Variants in PTPRD observed in about 807,000 individuals in gnomAD.
PTPRD encodes protein tyrosine phosphatase receptor type D.
PTPRD carries 34 observed loss-of-function variants against 214.5 expected under a neutral mutation model. The ratio of observed to expected loss-of-function variants is 0.16; its 90% CI spans 0.12 to 0.21. PTPRD has a LOEUF of 0.21. Among genes scored for constraint, PTPRD ranks in the 10% least tolerant of loss-of-function variants. PTPRD has a pLI of 1.00. For synonymous variants in PTPRD, 1,128 were observed against 845.7 expected (o/e 1.33, Z -5.79); for missense variants, 2,545 against 2,398.7 (o/e 1.06, Z -1.27).
intron 11 of PTPRD, among the ~76,000 whole-genome samples, chr9:8,832,449 T>A (rs1405053238): frequency 1.6e-5 from 2 of 122,334 alleles, no homozygotes; most frequent in African/African-American, 3.2e-5. Flanking sequence ...CACTTCACAA[T>A]GTGAAAATTA....
intron 7 of PTPRD, among the ~76,000 whole-genome samples, chr9:9,731,204 T>C (rs1338768254): frequency 2.6e-5 from 4 of 152,180 alleles, no homozygotes; most frequent in Non-Finnish European, 1.5e-5. Flanking sequence ...TTGAGAATTA[T>C]ATCATAATTT....
intron 9 of PTPRD, among the ~76,000 whole-genome samples, chr9:9,190,124 G>A (rs2099934195): frequency 1.3e-5 from 2 of 152,042 alleles, no homozygotes; most frequent in South Asian, 4.1e-4. Flanking sequence ...AACAGTGTTA[G>A]GAAAGTCAGA....
chr9:9,478,111 A>C (rs1275094100), intron 8 of PTPRD, among the ~76,000 whole-genome samples: 1 of 146,984 alleles, frequency 6.8e-6, no homozygotes, highest in African/African-American at 2.5e-5. Flanking sequence ...GTTTTTTTAG[A>C]TTATGCGTAA....
chr9:8,462,150 G>A (rs1222113814), intron 32 of PTPRD, among the ~76,000 whole-genome samples: 1 of 151,914 alleles, frequency 6.6e-6, no homozygotes, highest in African/African-American at 2.4e-5. Flanking sequence ...GTTCAAATTA[G>A]TATGAGTTTC....
chr9:8,862,413 G>C (rs2098123260), intron 11 of PTPRD, among the ~76,000 whole-genome samples: 1 of 152,144 alleles, frequency 6.6e-6, no homozygotes, highest in Admixed American at 6.5e-5. Flanking sequence ...TTGTAAAGAA[G>C]AAAAGAAGAT....
chr9:10,195,285 G>T lies in PTPRD; in HGVS notation c.-545+145678C>A, dbSNP rs138826128. 1.3e-3 allele frequency among the ~76,000 whole-genome samples: 191 copies of T among 152,100 alleles called. 6 individuals carry two copies. The South Asian group carries it at 0.037, about 29-fold the overall frequency. ...CACTTTCCTCATTTGGAAAAGGAAG[G>T]TAATGATTGAGCCTACATATTTAGA... On this transcript the variant is annotated intron_variant, in intron 3 of 45. Transcript: ENST00000381196.
At chr9:8,722,437 C>T (rs958585810) in intron 12 of PTPRD, among the ~76,000 whole-genome samples, 29 of 152,080 alleles carry the variant, frequency 1.9e-4, no homozygotes, top group Admixed American at 1.4e-3. Context: ...TATGTATTAC[C>T]TTACATTCCC....
chr9:10,555,660 T>C (rs959861404), intron 2 of PTPRD, among the ~76,000 whole-genome samples: 1 of 152,204 alleles, frequency 6.6e-6, no homozygotes, highest in African/African-American at 2.4e-5. Context: ...AGACAAATCC[T>C]TTTTATTACA....
intron 11 of PTPRD, among the ~76,000 whole-genome samples, chr9:8,761,996 T>A (rs2094443864): frequency 6.6e-6 from 1 of 152,150 alleles, no homozygotes; most frequent in African/African-American, 2.4e-5. Flanking sequence ...ATGCCCAATT[T>A]AGGTACATTA....
At chr9:9,612,200 T>C (rs1267542364) in intron 7 of PTPRD, among the ~76,000 whole-genome samples, 1 of 152,144 alleles carries the variant, frequency 6.6e-6, no homozygotes, top group Non-Finnish European at 1.5e-5. Flanking sequence ...TGTTTCATTA[T>C]ACCTATCTGT....
intron 9 of PTPRD, among the ~76,000 whole-genome samples, chr9:9,344,427 T>C (rs1376524902): frequency 6.6e-6 from 1 of 152,018 alleles, no homozygotes; most frequent in African/African-American, 2.4e-5. Context: ...CAAACCACGA[T>C]GGCACATGTA....
chr9:10,004,178 G>GC (rs2096409413), intron 4 of PTPRD, among the ~76,000 whole-genome samples: 2 of 151,862 alleles, frequency 1.3e-5, no homozygotes, highest in South Asian at 4.1e-4. Context: ...GAGAAAATGT[G>GC]CCTAAATACA....
intron 9 of PTPRD, among the ~76,000 whole-genome samples, chr9:9,390,571 GTTA>G (rs895476398): frequency 6.6e-6 from 1 of 152,044 alleles, no homozygotes; most frequent in Admixed American, 6.6e-5. Context: ...TTAAAAATGT[GTTA>G]TTATTGTTAT....
At chr9:8,786,474 A>G (rs2095978976) in intron 11 of PTPRD, among the ~76,000 whole-genome samples, 1 of 129,622 alleles carries the variant, frequency 7.7e-6, no homozygotes, top group African/African-American at 3.0e-5. Flanking sequence ...CAGTGGCTCC[A>G]TCTCAGCTCA....
intron 5 of PTPRD, among the ~76,000 whole-genome samples, chr9:9,932,784 C>G (rs1427285096): frequency 8.5e-6 from 1 of 117,040 alleles, no homozygotes; most frequent in Admixed American, 8.7e-5. Flanking sequence ...GTCAGATTCA[C>G]CAAAGTTGAA....
At chr9:9,740,798 G>C (rs932567502) in intron 6 of PTPRD, among the ~76,000 whole-genome samples, 1 of 152,070 alleles carries the variant, frequency 6.6e-6, no homozygotes, top group South Asian at 2.1e-4. Context: ...AAATTCTCGG[G>C]CTGTAAACTC....
chr9:10,046,037 G>C (rs2097386138), intron 3 of PTPRD, among the ~76,000 whole-genome samples: 1 of 151,640 alleles, frequency 6.6e-6, no homozygotes. Flanking sequence ...GAAAATATGA[G>C]GCATGATAAG....
chr9:8,756,977 C>T (rs1288288302), intron 11 of PTPRD, among the ~76,000 whole-genome samples: 1 of 151,958 alleles, frequency 6.6e-6, no homozygotes, highest in Admixed American at 6.6e-5. Context: ...CCTGTCTCTA[C>T]TAAAAATACA....
intron 5 of PTPRD, among the ~76,000 whole-genome samples, chr9:9,919,915 A>C (rs1381535999): frequency 1.3e-5 from 2 of 152,194 alleles, no homozygotes; most frequent in African/African-American, 4.8e-5. Context: ...AGTATTTCAT[A>C]AATGCAGTAA....
Sources: gnomAD v4.1 joint callset for allele counts (sites outside exome capture counted in the v4.1 genomes callset) on GRCh38, gnomAD v4.1.1 for gene constraint, MANE v1.5 for transcripts, NCBI Gene and HGNC (gene_info 2026-07-23, HGNC 2026-07-21) for gene names.